PLA2G5: variants seen among roughly 807,000 people sequenced by gnomAD.
PLA2G5 encodes the protein Ca2+-dependent phospholipase A2.
PLA2G5 carries 12 observed loss-of-function variants against 15.9 expected under a neutral mutation model. The observed-to-expected ratio is 0.76, with a 90% CI of 0.48 to 1.23. The LOEUF (loss-of-function observed/expected upper bound fraction) is 1.23, where lower values mean the gene tolerates loss of function less well. Ranked by LOEUF, PLA2G5 falls within the 50% of genes most tolerant of loss-of-function variation. The probability of loss-of-function intolerance (pLI) is 0.00; values close to 1 mark genes in which losing one functional copy is unlikely to be tolerated. For missense variants in PLA2G5, 169 were observed against 177.1 expected (o/e 0.95, Z 0.26); for synonymous variants, 71 against 71.4 (o/e 0.99, Z 0.03).
chr1:20,049,318 A>C (rs1423360222), intron 1 of PLA2G5, among the ~76,000 whole-genome samples: 1 of 152,254 alleles, frequency 6.6e-6, no homozygotes, highest in Non-Finnish European at 1.5e-5. Context: ...TTAAAGGAAC[A>C]TTATAATCTT....
chr1:20,079,973 G>A lies in PLA2G5; in HGVS notation c.-10-4848G>A, dbSNP rs141345108. 1.2e-3 allele frequency among the ~76,000 whole-genome samples: 186 copies of A among 152,292 alleles called. 1 individual carries two copies. The highest frequency in any genetic ancestry group is 6.6e-3 in the East Asian group (34 of 5,188). Reference sequence around the variant, plus strand: ...CATCTCCCGAGTCACCCCAGCTCAGGAACAAGGCAGAAAAAGTTGGGGGTT... The same window carrying A: ...CATCTCCCGAGTCACCCCAGCTCAGAAACAAGGCAGAAAAAGTTGGGGGTT... On this transcript the variant is annotated intron_variant, in intron 1 of 4. Transcript: ENST00000375108.
intron 1 of PLA2G5, chr1:20,070,761 G>A (rs1270553150): frequency 3.3e-5 from 5 of 152,300 alleles, no homozygotes. Context: ...TGAACAGGCT[G>A]AGTTAGGACT....
At chr1:20,044,110 G>C (rs530935117) in intron 1 of PLA2G5, among the ~76,000 whole-genome samples, 3 of 152,224 alleles carry the variant, frequency 2.0e-5, no homozygotes, top group Non-Finnish European at 4.4e-5. Context: ...ATCCTGGGCT[G>C]TGAGCATTCC....
At chr1:20,029,331 G>GTGTTCCTCCCCTGA (rs1557718639) in intron 1 of PLA2G5, among the ~76,000 whole-genome samples, 5 of 147,074 alleles carry the variant, frequency 3.4e-5, no homozygotes, top group African/African-American at 5.1e-5. Flanking sequence ...CCAGCCACCC[G>GTGTTCCTCCCCTGA]TGTGTTCCTC....
At chr1:20,087,940 A>G (rs11573274) in intron 3 of PLA2G5, among the ~76,000 whole-genome samples, 1,764 of 152,306 alleles carry the variant, frequency 0.012, 39 homozygotes, top group African/African-American at 0.04. Flanking sequence ...TATCATGAGA[A>G]AAAAGAAAAT....
chr1:20,089,419 CCG>C (rs2016453697), intron 3 of PLA2G5, among the ~76,000 whole-genome samples: 1 of 152,184 alleles, frequency 6.6e-6, no homozygotes, highest in Admixed American at 6.5e-5. Flanking sequence ...CTCCATCCAG[CCG>C]AAGGATGGCG....
At position 20,073,039 on chromosome 1, in the gene PLA2G5, G is replaced by A. The variant is rs2015470100; in HGVS notation, c.-11+2574G>A. 3.3e-5 allele frequency among the ~76,000 whole-genome samples: 5 copies of A among 152,174 alleles called. No homozygotes were observed. In the South Asian group the frequency reaches 8.3e-4, roughly 25 times the overall value. On this transcript the variant is annotated intron_variant, in intron 1 of 4. Coordinates refer to ENST00000375108, the MANE Select transcript of PLA2G5 (RefSeq NM_000929.3). The stretch of plus-strand genomic sequence containing the variant: ...GGTGGAGCGGCCTTGAATTGTAGAT[G>A]ATTCAGGCTCATGAGCCTAGAACCT...
intron 1 of PLA2G5, 77 bp downstream of exon 1, chr1:20,070,542 G>A: frequency 1.1e-6 from 1 of 902,186 alleles, no homozygotes; most frequent in Non-Finnish European, 1.3e-6. Context: ...TGGAGAAGGG[G>A]GTGTGTGGAG....
chr1:20,079,757 T>A (rs960347992), intron 1 of PLA2G5, among the ~76,000 whole-genome samples: 2 of 152,150 alleles, frequency 1.3e-5, no homozygotes, highest in Non-Finnish European at 2.9e-5. Flanking sequence ...CAGAGAAATA[T>A]AGTGACTTGC....
rs535197443 is a variant in PLA2G5 at position 20,082,086 on chromosome 1, C to T, written c.-10-2735C>T. On this transcript the variant is annotated intron_variant, in intron 1 of 4. Transcript: ENST00000375108. Reference sequence around the variant, plus strand: ...GAGGGACATAAGGCAGAAGGAGAGACTGAGGCAAGTTTCACAGCAGAAGTG... The same window carrying T: ...GAGGGACATAAGGCAGAAGGAGAGATTGAGGCAAGTTTCACAGCAGAAGTG... 2.6e-4 allele frequency among the ~76,000 whole-genome samples: 39 copies of T among 151,910 alleles called. No individual in the cohort carries two copies. In the South Asian group the frequency reaches 7.5e-3, roughly 29 times the overall value.
intron 1 of PLA2G5, chr1:20,059,605 C>T (rs1304835731): frequency 6.6e-6 from 1 of 152,186 alleles, no homozygotes; most frequent in African/African-American, 2.4e-5. Context: ...AACTGGCTTG[C>T]TCAACATCTA....
intron 1 of PLA2G5, 76 bp from the exon 2 acceptor site, chr1:20,084,745 G>A (rs1210827595): frequency 3.2e-6 from 3 of 928,042 alleles, no homozygotes; most frequent in Non-Finnish European, 5.4e-6. Flanking sequence ...GCCTGGTGGA[G>A]AGCCAGGGTG....
intron 3 of PLA2G5, chr1:20,088,834 C>G (rs2016425357): frequency 6.6e-6 from 1 of 152,476 alleles, no homozygotes; most frequent in African/African-American, 2.4e-5. Context: ...GGGTCTCACT[C>G]TGGTTGCCCA....
intron 1 of PLA2G5, among the ~76,000 whole-genome samples, chr1:20,029,366 T>C (rs568205158): frequency 3.4e-5 from 5 of 147,980 alleles, no homozygotes; most frequent in African/African-American, 7.9e-5. Context: ...TCCGCTGACA[T>C]GTTCCTCCGC....
At chr1:20,089,997 G>T in intron 4 of PLA2G5, 102 bp downstream of exon 4, 2 of 785,552 alleles carry the variant, frequency 2.5e-6, no homozygotes. Context: ...GGGAGGAGGA[G>T]TTGGGTGCAG....
intron 4 of PLA2G5, 45 bp from the exon 5 acceptor site, chr1:20,090,523 G>A (rs751999578): frequency 1.6e-5 from 25 of 1,610,314 alleles, no homozygotes; most frequent in Middle Eastern, 3.3e-4. Context: ...TGAGACTGGA[G>A]CATGCTCTTC....
intron 1 of PLA2G5, among the ~76,000 whole-genome samples, chr1:20,047,632 T>A (rs944909399): frequency 6.6e-6 from 1 of 152,094 alleles, no homozygotes; most frequent in Non-Finnish European, 1.5e-5. Flanking sequence ...AAACCACTGT[T>A]TGGATCCAAC....
intron 1 of PLA2G5, among the ~76,000 whole-genome samples, chr1:20,033,355 T>C (rs2013072525): frequency 6.6e-6 from 1 of 152,146 alleles, no homozygotes; most frequent in African/African-American, 2.4e-5. Context: ...AGAGAGCTCA[T>C]GTGTTTACAG....
intron 1 of PLA2G5, 116 bp from the exon 2 acceptor site, chr1:20,084,705 C>A: frequency 1.3e-6 from 1 of 744,848 alleles, no homozygotes; most frequent in African/African-American, 1.7e-5. Context: ...TTGTTTATTG[C>A]CCACCATGAC....
Sources: gnomAD v4.1 joint callset for allele counts (sites outside exome capture counted in the v4.1 genomes callset) on GRCh38, gnomAD v4.1.1 for gene constraint, MANE v1.5 for transcripts, NCBI Gene and HGNC (gene_info 2026-07-23, HGNC 2026-07-21) for gene names.